The following PM20D2 variants were observed in gnomAD, a reference collection of about 807,000 sequenced individuals.
PM20D2 encodes xaa-Arg dipeptidase.
In PM20D2, 33 loss-of-function variants were observed where a neutral mutation model predicts 42.9. The observed-to-expected ratio is 0.77, with a 90% CI of 0.58 to 1.03. The LOEUF (loss-of-function observed/expected upper bound fraction) is 1.03, where lower values mean the gene tolerates loss of function less well. Ranked by LOEUF, PM20D2 falls within the 50% of genes least tolerant of loss-of-function variation. PM20D2 has a pLI of 0.00. For synonymous variants in PM20D2, 250 were observed against 228.2 expected (o/e 1.10, Z -0.86); for missense variants, 548 against 557.0 (o/e 0.98, Z 0.16).
the PM20D2 span, among the ~76,000 whole-genome samples, chr6:89,100,494 A>AT: frequency 4.7e-5 from 7 of 148,402 alleles, no homozygotes; most frequent in South Asian, 1.5e-3. Context: ...AGCCTCTATA[A>AT]TTTTTTGTCC....
At chr6:89,142,707 G>C (rs1770370227), upstream of PM20D2, among the ~76,000 whole-genome samples, 1 of 152,018 alleles carries the variant, frequency 6.6e-6, no homozygotes, top group Non-Finnish European at 1.5e-5. Context: ...ACCCAGGCTG[G>C]AGTGCAGTGA....
the PM20D2 span, among the ~76,000 whole-genome samples, chr6:89,133,718 C>T: frequency 1.3e-5 from 2 of 151,040 alleles, no homozygotes; most frequent in Non-Finnish European, 2.9e-5. Flanking sequence ...TTCCTACTGC[C>T]TGAAATGTGG....
intron 1 of PM20D2, among the ~76,000 whole-genome samples, chr6:89,147,731 A>T (rs1042695151): frequency 2.3e-4 from 14 of 61,392 alleles, no homozygotes; most frequent in African/African-American, 5.8e-4. Context: ...AAAATATATT[A>T]AAAAAAAAAA....
chr6:89,119,160 G>A, the PM20D2 span, among the ~76,000 whole-genome samples: 1 of 152,208 alleles, frequency 6.6e-6, no homozygotes, highest in African/African-American at 2.4e-5. Flanking sequence ...CATTCAGAAG[G>A]GATTGCTCTG....
At chr6:89,117,901 G>A in the PM20D2 span, 1 of 1,559,288 alleles carries the variant, frequency 6.4e-7, no homozygotes, top group South Asian at 1.2e-5. Flanking sequence ...CGCTTCCTCC[G>A]TTCCCTCCGG....
chr6:89,107,078 A>G, the PM20D2 span: 7 of 1,282,208 alleles, frequency 5.5e-6, no homozygotes, highest in Non-Finnish European at 8.0e-6. Context: ...ATCTCATAAC[A>G]TATGCTACTG....
At chr6:89,140,980 T>C in the PM20D2 span, among the ~76,000 whole-genome samples, 9 of 152,318 alleles carry the variant, frequency 5.9e-5, no homozygotes, top group Non-Finnish European at 1.3e-4. Context: ...TTTCCTCAGC[T>C]TACATTTTTC....
chr6:89,121,313 G>C, the PM20D2 span, among the ~76,000 whole-genome samples: 4 of 152,112 alleles, frequency 2.6e-5, no homozygotes, highest in African/African-American at 9.7e-5. Flanking sequence ...AGTGTAAAGT[G>C]TAAGAAAGCT....
chr6:89,120,591 G>A, the PM20D2 span, among the ~76,000 whole-genome samples: 5 of 152,200 alleles, frequency 3.3e-5, no homozygotes, highest in African/African-American at 7.2e-5. Context: ...TTGGCCAGGC[G>A]TGGTGACTCA....
intron 1 of PM20D2, chr6:89,148,483 A>G (rs1325837917): frequency 1.1e-6 from 1 of 911,810 alleles, no homozygotes; most frequent in Non-Finnish European, 1.3e-6. Flanking sequence ...TAAATATCAA[A>G]GTAAAATGTT....
the PM20D2 span, among the ~76,000 whole-genome samples, chr6:89,099,441 C>CACATATATATATATATGTGTATATATAT: frequency 7.8e-6 from 1 of 128,136 alleles, no homozygotes; most frequent in Non-Finnish European, 1.6e-5. Context: ...TATATATATA[C>CACATATATATATATATGTGTATATATAT]ACATATATAT....
At chr6:89,116,386 G>A in the PM20D2 span, among the ~76,000 whole-genome samples, 1 of 152,152 alleles carries the variant, frequency 6.6e-6, no homozygotes, top group Non-Finnish European at 1.5e-5. Flanking sequence ...TAAAAAGGCT[G>A]ACAGAAGAAA....
chr6:89,143,944 ATT>A (rs1770426789), upstream of PM20D2, among the ~76,000 whole-genome samples: 1 of 152,246 alleles, frequency 6.6e-6, no homozygotes, highest in African/African-American at 2.4e-5. Context: ...GCCAACAAAT[ATT>A]TATTAACACA....
intron 3 of PM20D2, 72 bp from the exon 4 acceptor site, chr6:89,154,676 A>G: frequency 8.9e-7 from 1 of 1,125,880 alleles, no homozygotes; most frequent in South Asian, 2.3e-5. Flanking sequence ...TGGCTGAAAA[A>G]CTTAATGGGT....
chr6:89,146,279 CT>C lies in PM20D2; in HGVS notation c.136del (p.Trp46GlyfsTer17). 6.3e-7 allele frequency: 1 copy of C among 1,581,520 alleles called. No homozygotes were observed. Among genetic ancestry groups the C allele is most frequent in the Non-Finnish European group, 8.5e-7 (1 of 1,172,080 alleles). ...ERLGALSRAI[W>X]SQPELAYEEH... The stretch of plus-strand genomic sequence containing the variant: ...GGCTGGGGGCCCTGAGCCGCGCGAT[CT>C]GGAGCCAGCCCGAGCTGGCCTACGA... On this transcript the variant is annotated frameshift_variant, in exon 1 of 7. Coordinates refer to ENST00000275072, the MANE Select transcript of PM20D2 (RefSeq NM_001010853.3). LOFTEE classifies it high-confidence loss of function.
chr6:89,107,097 T>C, the PM20D2 span: 1 of 1,364,814 alleles, frequency 7.3e-7, no homozygotes, highest in Non-Finnish European at 1.0e-6. Context: ...TGAATACATA[T>C]ATGTATAAGC....
At chr6:89,118,048 G>C in the PM20D2 span, 203 of 487,938 alleles carry the variant, frequency 4.2e-4, 2 homozygotes, top group Middle Eastern at 8.7e-3. Context: ...CCGGCGCAGA[G>C]GGGGCGCAGC....
chr6:89,097,366 A>G, the PM20D2 span: 1 of 152,200 alleles, frequency 6.6e-6, no homozygotes, highest in African/African-American at 2.4e-5. Flanking sequence ...CATAAACTAC[A>G]ACACATTTTC....
At chr6:89,104,290 G>A in the PM20D2 span, among the ~76,000 whole-genome samples, 1 of 146,516 alleles carries the variant, frequency 6.8e-6, no homozygotes. Context: ...AGGCTGGAGT[G>A]CAATGGCGTG....
Sources: allele counts gnomAD v4.1 joint callset (sites outside exome capture counted in the v4.1 genomes callset), GRCh38; gene constraint gnomAD v4.1.1; transcripts MANE v1.5; gene names NCBI Gene and HGNC (gene_info 2026-07-23, HGNC 2026-07-21).